Variants in REL observed in about 807,000 individuals in gnomAD.
The protein encoded by REL is REL proto-oncogene, NF-kB subunit.
In REL, 15 loss-of-function variants were observed where a neutral mutation model predicts 45.9. The observed-to-expected ratio is 0.33, with a 90% confidence interval of 0.22 to 0.50. REL has a LOEUF of 0.50. REL is among the 20% of genes least tolerant of loss of function. The pLI, the probability that REL is intolerant of heterozygous loss-of-function variation, is 0.98. For missense variants in REL, 601 were observed against 715.2 expected, an observed-to-expected ratio of 0.84 and a Z score of 1.82; for synonymous variants, 239 against 242.1, an observed-to-expected ratio of 0.99 and a Z score of 0.12.
intron 4 of REL, among the ~76,000 whole-genome samples, chr2:60,903,171 C>T (rs568626484): frequency 1.2e-4 from 19 of 152,234 alleles, no homozygotes; most frequent in African/African-American, 4.1e-4. Context: ...AGGGAGTAAA[C>T]GTTAGTGCTT....
At position 60,929,736 on chromosome 2, in the gene REL, G is replaced by T. The variant is rs1475183125; in HGVS notation, c.*7201G>T. On this transcript the variant is annotated 3_prime_UTR_variant, in exon 10 of 10. Coordinates refer to ENST00000394479, the MANE Select transcript of REL (RefSeq NM_001291746.2). ...CTAATGCTAGATGACGAGTTAGTGGGTGCAGTGCACCAGCATGGCACATGT... is the reference window on the plus strand; with the variant it reads ...CTAATGCTAGATGACGAGTTAGTGGTTGCAGTGCACCAGCATGGCACATGT... 1 of 151,260 alleles carries T rather than the reference G, an allele frequency of 6.6e-6. No individual in the cohort carries two copies. Among genetic ancestry groups the T allele is most frequent in the Admixed American group, 6.6e-5 (1 of 15,198 alleles). 9.4% of individuals were successfully genotyped at this position (151,260 alleles called of 1,614,324 possible).
Position 60,931,451 on chromosome 2 carries a change from C to A in REL, c.*8916C>A, listed in dbSNP as rs1400899749. 6.6e-6 allele frequency: 1 copy of A among 152,142 alleles called. No individual in the cohort carries two copies. Among genetic ancestry groups the A allele is most frequent in the Non-Finnish European group, 1.5e-5 (1 of 67,992 alleles). The allele number at this position is 152,142 out of a possible 1,614,324, so 9.4% of individuals were successfully genotyped here. A position where few individuals can be genotyped will look rare whatever the true frequency, so the allele number is the denominator to read the frequency against. The stretch of plus-strand genomic sequence containing the variant: ...TGATGAAAGTGATTTTTTTAAAGTT[C>A]TCAGGTACTGTTCAATTATTTAATG... On this transcript the variant is annotated 3_prime_UTR_variant, in exon 10 of 10. Coordinates refer to ENST00000394479, the MANE Select transcript of REL (RefSeq NM_001291746.2).
chr2:60,918,349 T>C, intron 6 of REL, 45 bp from the exon 7 acceptor site: 1 of 1,571,040 alleles, frequency 6.4e-7, no homozygotes, highest in Non-Finnish European at 8.7e-7. Flanking sequence ...TAGATGCAGT[T>C]ACTTTGTTTT....
chr2:60,895,026 T>G (rs1673315286), intron 3 of REL, among the ~76,000 whole-genome samples: 1 of 150,894 alleles, frequency 6.6e-6, no homozygotes, highest in African/African-American at 2.4e-5. Context: ...CTGGCTAATT[T>G]TTTTGTATTT....
At chr2:60,881,905 G>C (rs1423810707) in intron 1 of REL, 55 bp downstream of exon 1, 2 of 1,289,156 alleles carry the variant, frequency 1.6e-6, no homozygotes, top group Non-Finnish European at 2.0e-6. Flanking sequence ...CTTCTGAAGG[G>C]GGTCCTGCCG....
Position 60,928,712 on chromosome 2 carries a change from A to AT in REL, c.*6178dup, listed in dbSNP as rs1287041500. ...AGACTTAAACGTTAGACCTAAAACC[A>AT]TAAAAACCCTAGAAGAAAACCTAGG... is the stretch of plus-strand genomic sequence containing the variant. On this transcript the variant is annotated 3_prime_UTR_variant, in exon 10 of 10. Coordinates refer to ENST00000394479, the MANE Select transcript of REL (RefSeq NM_001291746.2). 2 of 135,330 alleles carry AT rather than the reference A, an allele frequency of 1.5e-5. No homozygotes were observed. Among genetic ancestry groups the AT allele is most frequent in the African/African-American group, 2.7e-5 (1 of 36,886 alleles). 8.4% of individuals were successfully genotyped at this position (135,330 alleles called of 1,614,324 possible).
Position 60,904,150 on chromosome 2 carries a change from C to T in REL, c.394+3067C>T, listed in dbSNP as rs565197166. Among the ~76,000 whole-genome samples, 28 of 152,200 alleles carry T rather than the reference C, an allele frequency of 1.8e-4. No individual in the cohort carries two copies. The East Asian group carries it at 3.7e-3, about 20-fold the overall frequency. ...AGAAAAGTGAACTCAGGCTTGTAAT[C>T]CCAGCACTTTGGGAGGCCGAGGTGG... On this transcript the variant is annotated intron_variant, in intron 4 of 9. Coordinates refer to ENST00000394479, the MANE Select transcript of REL (RefSeq NM_001291746.2).
intron 3 of REL, chr2:60,900,590 C>G (rs1482050967): frequency 5.9e-6 from 1 of 168,794 alleles, no homozygotes; most frequent in Non-Finnish European, 1.3e-5. Context: ...ATGGCGTGAT[C>G]TCGGCTTACC....
At position 60,922,313 on chromosome 2, in the gene REL, A is replaced by T. The variant is rs1195944531; in HGVS notation, c.1542A>T (p.Ala514=). The change falls in exon 10 of 10, where the codon GCA becomes GCT. Residue 514 remains alanine (A), a synonymous_variant. Transcript: ENST00000394479. ...LHQMSSSSMS[A]GANSNTTVFV... ...AGATGTCCTCTTCCAGTATGTCAGC[A>T]GGCGCCAATTCCAATACTACTGTTT... 3 of 1,614,080 alleles carry T rather than the reference A, an allele frequency of 1.9e-6. No individual in the cohort carries two copies. Among genetic ancestry groups the T allele is most frequent in the Non-Finnish European group, 2.5e-6 (3 of 1,180,030 alleles).
chr2:60,881,641 C>G lies in REL; in HGVS notation c.-200C>G. The G allele has an allele frequency of 5.7e-6, 3 of 523,234 alleles. No homozygotes were observed. The highest frequency in any genetic ancestry group is 1.0e-5 in the Non-Finnish European group (3 of 295,334). The allele number at this position is 523,234 out of a possible 1,614,324, so 32.4% of individuals were successfully genotyped here. ...CGGTGGACGGCGACGCTGGGTGACC[C>G]GGGGTGCAAGAATTCAGGGGTTGGG... On this transcript the variant is annotated 5_prime_UTR_variant, in exon 1 of 10. Transcript: ENST00000394479.
At chr2:60,885,749 G>A (rs926145032) in intron 1 of REL, among the ~76,000 whole-genome samples, 1 of 152,168 alleles carries the variant, frequency 6.6e-6, no homozygotes, top group African/African-American at 2.4e-5. Context: ...TTAGGTCTCA[G>A]GCAAAGTCTG....
At chr2:60,890,784 CT>C (rs1673189871) in intron 1 of REL, among the ~76,000 whole-genome samples, 1 of 152,190 alleles carries the variant, frequency 6.6e-6, no homozygotes, top group Non-Finnish European at 1.5e-5. Context: ...AATGTCCCCC[CT>C]GCCTTTCCTA....
chr2:60,930,808 GT>G lies in REL; in HGVS notation c.*8276del, dbSNP rs1190652089. On this transcript the variant is annotated 3_prime_UTR_variant, in exon 10 of 10. Coordinates refer to ENST00000394479, the MANE Select transcript of REL (RefSeq NM_001291746.2). The stretch of plus-strand genomic sequence containing the variant: ...TTATCCTCTAATATTCTTATCAGTT[GT>G]TTCCACAACTTTAGTTTACTATTGG... 6.6e-6 allele frequency: 1 copy of G among 152,244 alleles called. No individual in the cohort carries two copies. Among genetic ancestry groups the G allele is most frequent in the Non-Finnish European group, 1.5e-5 (1 of 68,000 alleles). 9.4% of individuals were successfully genotyped at this position (152,244 alleles called of 1,614,324 possible). A position where few individuals can be genotyped will look rare whatever the true frequency, so the allele number is the denominator to read the frequency against.
chr2:60,902,053 G>A (rs1308463784), intron 4 of REL, among the ~76,000 whole-genome samples: 1 of 151,958 alleles, frequency 6.6e-6, no homozygotes, highest in Non-Finnish European at 1.5e-5. Context: ...ACTTAGAGTA[G>A]CCTCCATTCT....
chr2:60,916,802 G>T, intron 4 of REL, 75 bp from the exon 5 acceptor site: 1 of 958,564 alleles, frequency 1.0e-6, no homozygotes, highest in South Asian at 1.6e-5. Context: ...GGCTATAATG[G>T]GCAGGGAGGA....
chr2:60,892,710 G>C (rs545551314), intron 2 of REL, among the ~76,000 whole-genome samples: 4 of 151,840 alleles, frequency 2.6e-5, no homozygotes, highest in Non-Finnish European at 5.9e-5. Context: ...GATTATAGGC[G>C]TGAGCCACTG....
Position 60,927,861 on chromosome 2 carries a change from C to G in REL, c.*5326C>G, listed in dbSNP as rs1395558351. On this transcript the variant is annotated 3_prime_UTR_variant, in exon 10 of 10. Coordinates refer to ENST00000394479, the MANE Select transcript of REL (RefSeq NM_001291746.2). ...GCACCCCTGAAATTTCCTTCATGCC[C>G]CTTCCCAGTCTGTACCTACACCTCT... is the stretch of plus-strand genomic sequence containing the variant. 1.3e-5 allele frequency: 3 copies of G among 226,962 alleles called. No homozygotes were observed. The highest frequency in any genetic ancestry group is 2.6e-5 in the Non-Finnish European group (3 of 114,164). The allele number at this position is 226,962 out of a possible 1,614,324, so 14.1% of individuals were successfully genotyped here.
intron 3 of REL, chr2:60,900,281 T>A (rs1673458313): frequency 6.6e-6 from 1 of 152,306 alleles, no homozygotes; most frequent in African/African-American, 2.4e-5. Context: ...TAGCAAAACA[T>A]ACCTGTGGGC....
rs1482047636 is a variant in REL, at chr2:60,931,059, T to C, written c.*8524T>C. ...TAATCAAACATAGTTTTCCATAAGA[T>C]GTAATAAAATATAGATAAGGTTGGA... On this transcript the variant is annotated 3_prime_UTR_variant, in exon 10 of 10. Coordinates refer to ENST00000394479, the MANE Select transcript of REL (RefSeq NM_001291746.2). 1.3e-5 allele frequency: 2 copies of C among 152,364 alleles called. No homozygotes were observed. Among genetic ancestry groups the C allele is most frequent in the Non-Finnish European group, 2.9e-5 (2 of 68,034 alleles). The allele number at this position is 152,364 out of a possible 1,614,324, so 9.4% of individuals were successfully genotyped here.
Sources: allele counts gnomAD v4.1 joint callset (sites outside exome capture counted in the v4.1 genomes callset), GRCh38; gene constraint gnomAD v4.1.1; transcripts MANE v1.5; gene names NCBI Gene and HGNC (gene_info 2026-07-23, HGNC 2026-07-21).